Variants in MALRD1 observed in about 807,000 individuals in gnomAD.
The protein encoded by MALRD1 is MAM and LDL receptor class A domain containing 1, also known as MAM and LDL-receptor class A domain-containing protein 1.
Under a neutral mutation model 242.1 loss-of-function variants are expected in MALRD1, and 247 were observed. The observed-to-expected ratio is 1.02, with a 90% CI of 0.92 to 1.13. The LOEUF (loss-of-function observed/expected upper bound fraction) is 1.13, where lower values mean the gene tolerates loss of function less well. Ranked by LOEUF, MALRD1 falls within the 50% of genes most tolerant of loss-of-function variation. The pLI is 0.00. For synonymous variants in MALRD1, 995 were observed against 866.6 expected (o/e 1.15, Z -2.60); for missense variants, 2,989 against 2,533.1 (o/e 1.18, Z -3.86).
In MALRD1 at chr10:19,555,310, G is replaced by A. The variant is rs139802443; in HGVS notation, c.5479-12192G>A. Among the ~76,000 whole-genome samples, 780 of 152,212 alleles carry A rather than the reference G, an allele frequency of 5.1e-3. 6 individuals carry two copies. The highest frequency in any genetic ancestry group is 0.018 in the African/African-American group (739 of 41,516). On this transcript the variant is annotated intron_variant, in intron 32 of 39. Coordinates refer to ENST00000454679, the MANE Select transcript of MALRD1 (RefSeq NM_001142308.3). ...GGATCACATTTCAACATGAGATTTG[G>A]AGGGGACAAACATCTAAACCCCATC...
intron 10 of MALRD1, among the ~76,000 whole-genome samples, chr10:19,143,000 C>T (rs1304720072): frequency 1.3e-5 from 2 of 152,216 alleles, no homozygotes; most frequent in Admixed American, 6.5e-5. Context: ...AACAGCCAAT[C>T]AATTCACCAA....
intron 5 of MALRD1, among the ~76,000 whole-genome samples, chr10:19,113,484 A>C (rs1283720672): frequency 1.4e-5 from 2 of 141,432 alleles, no homozygotes; most frequent in African/African-American, 2.7e-5. Flanking sequence ...CTCTCCCTAT[A>C]CTCCCCACCT....
In MALRD1 at chr10:19,066,233, AT is replaced by A. The variant is rs1166877730; in HGVS notation, c.200-479del. Among the ~76,000 whole-genome samples, 3 of 152,088 alleles carry A rather than the reference AT, an allele frequency of 2.0e-5. No individual in the cohort carries two copies. In the East Asian group the frequency reaches 5.8e-4, roughly 29 times the overall value. On this transcript the variant is annotated intron_variant, in intron 1 of 39. Coordinates refer to ENST00000454679, the MANE Select transcript of MALRD1 (RefSeq NM_001142308.3). The stretch of plus-strand genomic sequence containing the variant: ...TCTTTACGCGTTAAGTCCAGATGCA[AT>A]TTTTTTCTCAAATATTTTTTATCTG...
chr10:19,540,197 C>T (rs1298703010), intron 32 of MALRD1, among the ~76,000 whole-genome samples: 1 of 152,008 alleles, frequency 6.6e-6, no homozygotes, highest in Non-Finnish European at 1.5e-5. Flanking sequence ...TTCCGGAACC[C>T]CTTCTTTAGG....
intron 28 of MALRD1, among the ~76,000 whole-genome samples, chr10:19,402,981 T>C (rs1167700044): frequency 6.9e-6 from 1 of 144,114 alleles, no homozygotes; most frequent in African/African-American, 2.6e-5. Flanking sequence ...AATAAATGGC[T>C]CATTGTAGAC....
chr10:19,218,979 A>G (rs1263881186), intron 18 of MALRD1, among the ~76,000 whole-genome samples: 1 of 152,150 alleles, frequency 6.6e-6, no homozygotes, highest in Non-Finnish European at 1.5e-5. Flanking sequence ...TAGTAATCTA[A>G]TTATTTTGAC....
intron 28 of MALRD1, among the ~76,000 whole-genome samples, chr10:19,425,068 T>C (rs1833855756): frequency 6.6e-6 from 1 of 152,236 alleles, no homozygotes; most frequent in South Asian, 2.1e-4. Context: ...ATGATAGTTT[T>C]ATATTTAATC....
At chr10:19,283,253 A>C (rs1244834924) in intron 21 of MALRD1, 72 bp downstream of exon 21, 3 of 1,265,146 alleles carry the variant, frequency 2.4e-6, no homozygotes, top group Non-Finnish European at 3.1e-6. Flanking sequence ...TTCTGCCCCC[A>C]CCACCTTATC....
intron 5 of MALRD1, among the ~76,000 whole-genome samples, chr10:19,112,005 C>T (rs986313454): frequency 6.6e-6 from 1 of 152,160 alleles, no homozygotes; most frequent in African/African-American, 2.4e-5. Flanking sequence ...ATGGGACTCT[C>T]TAGCCAAGTT....
At chr10:19,488,175 T>A (rs1272105437) in intron 29 of MALRD1, among the ~76,000 whole-genome samples, 2 of 152,224 alleles carry the variant, frequency 1.3e-5, no homozygotes, top group African/African-American at 4.8e-5. Context: ...GATGAAATAA[T>A]ATTTAAATAT....
At chr10:19,231,471 T>G (rs1056279008) in intron 18 of MALRD1, among the ~76,000 whole-genome samples, 2 of 152,198 alleles carry the variant, frequency 1.3e-5, no homozygotes, top group South Asian at 2.1e-4. Context: ...TGCCTGAATC[T>G]CACCTTGATT....
intron 18 of MALRD1, among the ~76,000 whole-genome samples, chr10:19,211,975 A>C (rs996124616): frequency 1.3e-5 from 2 of 152,208 alleles, no homozygotes; most frequent in Non-Finnish European, 2.9e-5. Flanking sequence ...TGTACATGTA[A>C]GTATACAGGA....
At chr10:19,243,739 A>G (rs1169389975) in intron 18 of MALRD1, among the ~76,000 whole-genome samples, 3 of 152,158 alleles carry the variant, frequency 2.0e-5, no homozygotes, top group African/African-American at 4.8e-5. Flanking sequence ...TGGGAAAAGT[A>G]TCAATTTTTC....
chr10:19,629,961 T>A (rs1839833469), intron 36 of MALRD1, among the ~76,000 whole-genome samples: 1 of 152,180 alleles, frequency 6.6e-6, no homozygotes, highest in Non-Finnish European at 1.5e-5. Context: ...GTAGAACTTT[T>A]TGAACTTATC....
At chr10:19,592,264 G>C (rs1837829994) in intron 33 of MALRD1, among the ~76,000 whole-genome samples, 1 of 152,242 alleles carries the variant, frequency 6.6e-6, no homozygotes, top group Non-Finnish European at 1.5e-5. Context: ...ACATCTGCCT[G>C]GTGGCAGGTG....
chr10:19,095,864 T>G (rs940173825), intron 4 of MALRD1, among the ~76,000 whole-genome samples: 1 of 152,160 alleles, frequency 6.6e-6, no homozygotes, highest in African/African-American at 2.4e-5. Flanking sequence ...AAGATTGTGT[T>G]TATGGGGATT....
rs540301750 is a variant in MALRD1, at chr10:19,094,447, G to A, written c.597+6262G>A. ...GTGAGGCAATGCCTCGCCCTGCTTC[G>A]GCTCGCGCACGGTGTGCACACACAC... is the stretch of plus-strand genomic sequence containing the variant. On this transcript the variant is annotated intron_variant, in intron 4 of 39. Coordinates refer to ENST00000454679, the MANE Select transcript of MALRD1 (RefSeq NM_001142308.3). Among the ~76,000 whole-genome samples, 4 of 148,102 alleles carry A rather than the reference G, an allele frequency of 2.7e-5. No homozygotes were observed. The East Asian group carries it at 6.0e-4, about 22-fold the overall frequency.
chr10:19,718,590 G>C (rs2131896047), intron 38 of MALRD1, among the ~76,000 whole-genome samples: 1 of 152,208 alleles, frequency 6.6e-6, no homozygotes, highest in African/African-American at 2.4e-5. Context: ...TCCAATATTA[G>C]GGATCGCATT....
chr10:19,196,605 C>A (rs191084042), intron 14 of MALRD1, among the ~76,000 whole-genome samples: 95 of 144,938 alleles, frequency 6.6e-4, no homozygotes, highest in Non-Finnish European at 1.2e-3. Flanking sequence ...TAATTTATAT[C>A]TCCAGCCTAA....
Sources: gnomAD v4.1 joint callset for allele counts (sites outside exome capture counted in the v4.1 genomes callset) on GRCh38, gnomAD v4.1.1 for gene constraint, MANE v1.5 for transcripts, NCBI Gene and HGNC (gene_info 2026-07-23, HGNC 2026-07-21) for gene names.